VEPH1: variants seen among roughly 807,000 people sequenced by gnomAD.
The protein encoded by VEPH1 is ventricular zone expressed PH domain containing 1, also known as ventricular zone-expressed PH domain-containing protein homolog 1.
A neutral mutation model predicts 85.2 loss-of-function variants in VEPH1; 80 were observed. The ratio of observed to expected loss-of-function variants is 0.94; its 90% CI spans 0.78 to 1.13. VEPH1 has a LOEUF of 1.13. Ranked by LOEUF, VEPH1 falls within the 50% of genes most tolerant of loss-of-function variation. The pLI is 0.00. For missense variants in VEPH1, 955 were observed against 980.5 expected (o/e 0.97, Z 0.35); for synonymous variants, 297 against 348.0 (o/e 0.85, Z 1.63).
At chr3:157,393,897 G>T (rs763592844) in intron 6 of VEPH1, among the ~76,000 whole-genome samples, 1 of 152,096 alleles carries the variant, frequency 6.6e-6, no homozygotes, top group South Asian at 2.1e-4. Flanking sequence ...TTTGTTGTTT[G>T]TTCAGAGCTT....
chr3:157,418,377 T>C (rs1352266677), intron 5 of VEPH1, among the ~76,000 whole-genome samples: 3 of 152,180 alleles, frequency 2.0e-5, no homozygotes, highest in Admixed American at 1.3e-4. Flanking sequence ...TTCCAGACCA[T>C]GTGCACCTTG....
At chr3:157,321,024 A>T (rs1721291265) in intron 9 of VEPH1, among the ~76,000 whole-genome samples, 1 of 152,120 alleles carries the variant, frequency 6.6e-6, no homozygotes, top group South Asian at 2.1e-4. Flanking sequence ...GCCATTATAT[A>T]TATATATTTT....
intron 3 of VEPH1, among the ~76,000 whole-genome samples, chr3:157,464,689 G>A (rs1479136037): frequency 1.3e-5 from 2 of 152,176 alleles, no homozygotes; most frequent in Non-Finnish European, 2.9e-5. Flanking sequence ...GGTGGAAATT[G>A]TGTTTTTGAA....
chr3:157,332,407 C>T (rs917072562), intron 9 of VEPH1, among the ~76,000 whole-genome samples: 3 of 152,144 alleles, frequency 2.0e-5, no homozygotes, highest in African/African-American at 7.2e-5. Context: ...TTCCCCTCCT[C>T]CTAGCTCTTG....
At chr3:157,336,256 G>A (rs1241589612) in intron 9 of VEPH1, among the ~76,000 whole-genome samples, 1 of 152,172 alleles carries the variant, frequency 6.6e-6, no homozygotes, top group Non-Finnish European at 1.5e-5. Context: ...TACAGTTAGA[G>A]TTAGGGCCCC....
At chr3:157,369,182 A>AAAT (rs1727139831) in intron 7 of VEPH1, among the ~76,000 whole-genome samples, 1 of 123,480 alleles carries the variant, frequency 8.1e-6, no homozygotes, top group African/African-American at 3.1e-5. Flanking sequence ...AACCAAATGA[A>AAAT]AAAAAAAAAA....
intron 2 of VEPH1, among the ~76,000 whole-genome samples, chr3:157,479,120 AC>A (rs781529850): frequency 2.0e-5 from 3 of 152,176 alleles, no homozygotes; most frequent in Non-Finnish European, 2.9e-5. Flanking sequence ...GGTTTTTCTG[AC>A]TTGCATTCCA....
intron 5 of VEPH1, among the ~76,000 whole-genome samples, chr3:157,426,381 T>C (rs982181516): frequency 9.2e-5 from 14 of 152,118 alleles, no homozygotes; most frequent in African/African-American, 3.4e-4. Context: ...CTAGCACCTA[T>C]TTGGAGATGA....
intron 2 of VEPH1, among the ~76,000 whole-genome samples, chr3:157,481,486 A>AAAAAAAAAAAAAC (rs57277738): frequency 1.9e-4 from 15 of 79,058 alleles, no homozygotes; most frequent in African/African-American, 3.9e-4. Context: ...AAAAAAAAAA[A>AAAAAAAAAAAAAC]CAATCCTAAG....
chr3:157,350,028 T>A (rs147520112), intron 9 of VEPH1, among the ~76,000 whole-genome samples: 204 of 152,164 alleles, frequency 1.3e-3, no homozygotes, highest in African/African-American at 4.7e-3. Flanking sequence ...ATCCTAGACT[T>A]TGCATGGAAC....
Position 157,426,806 on chromosome 3 carries a change from CTTT to C in VEPH1, c.696+1513_696+1515del, listed in dbSNP as rs532205431. Among the ~76,000 whole-genome samples, 436 of 116,206 alleles carry C rather than the reference CTTT, an allele frequency of 3.8e-3. 2 individuals are homozygous for C. The highest frequency in any genetic ancestry group is 0.011 in the African/African-American group (323 of 29,660). 76.2% of individuals were successfully genotyped at this position (116,206 alleles called of 152,430 possible). Reference sequence around the variant, plus strand: ...TAGCCACAGATTCGCAAATCTGTTGCTTTTTTTTTTTTTTTTTTTGAGACAGAG... The same window carrying C: ...TAGCCACAGATTCGCAAATCTGTTGCTTTTTTTTTTTTTTTTGAGACAGAG... On this transcript the variant is annotated intron_variant, in intron 5 of 13. Transcript: ENST00000362010.
At chr3:157,333,659 C>T (rs531981880) in intron 9 of VEPH1, among the ~76,000 whole-genome samples, 175 of 152,294 alleles carry the variant, frequency 1.1e-3, no homozygotes, top group African/African-American at 4.0e-3. Context: ...TTGGCTCTTC[C>T]AAGCACAGAT....
At chr3:157,461,855 GA>G (rs1735904236) in intron 3 of VEPH1, among the ~76,000 whole-genome samples, 1 of 151,900 alleles carries the variant, frequency 6.6e-6, no homozygotes, top group Non-Finnish European at 1.5e-5. Flanking sequence ...GATGGCCTCA[GA>G]GTAGGCAAGG....
chr3:157,353,752 A>C (rs1181848745), intron 9 of VEPH1, among the ~76,000 whole-genome samples: 2 of 151,704 alleles, frequency 1.3e-5, no homozygotes, highest in East Asian at 3.9e-4. Context: ...CATCCTACAT[A>C]TTTTACTTAT....
intron 7 of VEPH1, among the ~76,000 whole-genome samples, chr3:157,378,111 C>T (rs1465046115): frequency 1.3e-5 from 2 of 151,906 alleles, no homozygotes; most frequent in Non-Finnish European, 2.9e-5. Context: ...GAATGGCTCC[C>T]TCAAATACCA....
At chr3:157,455,872 G>A (rs569541060) in intron 4 of VEPH1, among the ~76,000 whole-genome samples, 2 of 152,176 alleles carry the variant, frequency 1.3e-5, no homozygotes, top group South Asian at 2.1e-4. Flanking sequence ...AACGTGAATA[G>A]TGCTGCAATG....
In VEPH1 at chr3:157,495,285, G is replaced by A; in HGVS notation, c.65C>T (p.Ser22Phe). 6.2e-7 allele frequency: 1 copy of A among 1,614,036 alleles called. No individual in the cohort carries two copies. Among genetic ancestry groups the A allele is most frequent in the Middle Eastern group, 1.6e-4 (1 of 6,062 alleles). The stretch of plus-strand genomic sequence containing the variant: ...GTCTTCAATCTCAGAGTCATCTAAG[G>A]AGAAGAGGTCCCCAGCTCGTGAAAG... ...KDLSRAGDLF[S>F]LDDSEIEDSL... Residue 22 changes from serine to phenylalanine, a missense_variant, in exon 2 of 14, where the codon TCC (serine) becomes TTC (phenylalanine). Physicochemically the swap from Ser to Phe is radical, Grantham distance 155. Transcript: ENST00000362010.
intron 7 of VEPH1, among the ~76,000 whole-genome samples, chr3:157,380,809 G>A (rs544229096): frequency 1.3e-5 from 2 of 152,272 alleles, no homozygotes; most frequent in South Asian, 2.1e-4. Flanking sequence ...CTCTATATAT[G>A]TCTAGCTTCC....
Position 157,451,529 on chromosome 3 carries a change from T to G in VEPH1, c.529+8652A>C, listed in dbSNP as rs73030011. 3.8e-3 allele frequency among the ~76,000 whole-genome samples: 573 copies of G among 152,280 alleles called. 4 individuals carry two copies. Among genetic ancestry groups the G allele is most frequent in the African/African-American group, 0.013 (544 of 41,556 alleles). ...CATTAATAATAAGAGGTAGCAAAAA[T>G]TGGCTTAGAACTATTGAAATATTTG... On this transcript the variant is annotated intron_variant, in intron 4 of 13. Coordinates refer to ENST00000362010, the MANE Select transcript of VEPH1 (RefSeq NM_001167912.2).
Sources: allele counts gnomAD v4.1 joint callset (sites outside exome capture counted in the v4.1 genomes callset), GRCh38; gene constraint gnomAD v4.1.1; transcripts MANE v1.5; gene names NCBI Gene and HGNC (gene_info 2026-07-23, HGNC 2026-07-21).